The following LINGO2 variants were observed in gnomAD, a reference collection of about 807,000 sequenced individuals.
LINGO2 encodes leucine rich repeat and Ig domain containing 2.
A neutral mutation model predicts 30.6 loss-of-function variants in LINGO2; 14 were observed. The ratio of observed to expected loss-of-function variants is 0.46; its 90% CI spans 0.30 to 0.72. The LOEUF is 0.72. Among genes scored for constraint, LINGO2 ranks in the 30% least tolerant of loss-of-function variants. The pLI, the probability that LINGO2 is intolerant of heterozygous loss-of-function variation, is 0.07. For synonymous variants in LINGO2, 317 were observed against 288.5 expected (o/e 1.10, Z -1.00); for missense variants, 729 against 751.7 (o/e 0.97, Z 0.35).
chr9:28,300,991 C>T (rs910466011), intron 3 of LINGO2, among the ~76,000 whole-genome samples: 4 of 151,962 alleles, frequency 2.6e-5, no homozygotes, highest in Admixed American at 2.6e-4. Flanking sequence ...TATCATTAGG[C>T]AGTTTCCAAA....
At chr9:28,917,631 A>G in the LINGO2 span, among the ~76,000 whole-genome samples, 1 of 152,058 alleles carries the variant, frequency 6.6e-6, no homozygotes, top group African/African-American at 2.4e-5. Context: ...AAAGTCTCAT[A>G]AAAAGTCATG....
intron 4 of LINGO2, among the ~76,000 whole-genome samples, chr9:28,216,070 G>A (rs992195287): frequency 9.9e-5 from 15 of 151,990 alleles, no homozygotes; most frequent in East Asian, 7.7e-4. Context: ...AAGACTGGGA[G>A]AACTAAGCTG....
chr9:29,002,957 C>T, the LINGO2 span, among the ~76,000 whole-genome samples: 10 of 152,048 alleles, frequency 6.6e-5, no homozygotes, highest in African/African-American at 2.2e-4. Flanking sequence ...TGAGGTCATA[C>T]TGGAGTAGGG....
At chr9:28,703,737 C>T in the LINGO2 span, among the ~76,000 whole-genome samples, 1 of 151,768 alleles carries the variant, frequency 6.6e-6, no homozygotes, top group Non-Finnish European at 1.5e-5. Flanking sequence ...CTTTTTTTAA[C>T]TCTTTCAGTT....
chr9:28,475,370 A>G (rs1825688182), intron 2 of LINGO2, among the ~76,000 whole-genome samples: 1 of 152,170 alleles, frequency 6.6e-6, no homozygotes, highest in South Asian at 2.1e-4. Flanking sequence ...AGTGGATACA[A>G]TTGCACACAA....
the LINGO2 span, among the ~76,000 whole-genome samples, chr9:28,818,534 C>A: frequency 1.3e-5 from 2 of 151,980 alleles, no homozygotes; most frequent in South Asian, 4.2e-4. Context: ...TACAGATGCC[C>A]GCAACCACAT....
At chr9:28,269,400 A>T (rs941960440) in intron 4 of LINGO2, among the ~76,000 whole-genome samples, 4 of 152,110 alleles carry the variant, frequency 2.6e-5, no homozygotes, top group African/African-American at 9.7e-5. Flanking sequence ...AATTTCCTAT[A>T]GATTGAATAC....
chr9:28,816,344 A>G, the LINGO2 span, among the ~76,000 whole-genome samples: 1 of 152,348 alleles, frequency 6.6e-6, no homozygotes, highest in African/African-American at 2.4e-5. Flanking sequence ...AATCAGCGAG[A>G]AAAATGCTTG....
chr9:28,475,797 C>A, intron 2 of LINGO2, 143 bp downstream of exon 4: 1 of 152,416 alleles, frequency 6.6e-6, no homozygotes, highest in Non-Finnish European at 1.5e-5. Flanking sequence ...TACTACCTCC[C>A]TAAAGTCTTC....
chr9:28,693,399 C>G, the LINGO2 span, among the ~76,000 whole-genome samples: 3 of 152,112 alleles, frequency 2.0e-5, no homozygotes, highest in African/African-American at 7.2e-5. Flanking sequence ...TTGCACTGCT[C>G]TCATCCATCA....
chr9:29,153,187 T>C, the LINGO2 span, among the ~76,000 whole-genome samples: 9 of 152,166 alleles, frequency 5.9e-5, no homozygotes, highest in South Asian at 2.1e-4. Flanking sequence ...CACCACTGTA[T>C]ATTTTTCATT....
At chr9:28,678,479 T>C in the LINGO2 span, among the ~76,000 whole-genome samples, 4 of 152,164 alleles carry the variant, frequency 2.6e-5, no homozygotes, top group African/African-American at 9.6e-5. Context: ...TTTTTCATAA[T>C]AGAGTGGTTT....
intron 1 of LINGO2, among the ~76,000 whole-genome samples, chr9:28,579,859 T>C (rs1002258076): frequency 3.3e-5 from 5 of 152,086 alleles, no homozygotes; most frequent in Non-Finnish European, 7.4e-5. Flanking sequence ...AGAATCACCA[T>C]TCATACTCCT....
chr9:28,011,152 G>A (rs1178750486), intron 5 of LINGO2, among the ~76,000 whole-genome samples: 2 of 152,202 alleles, frequency 1.3e-5, no homozygotes, highest in East Asian at 3.9e-4. Context: ...AAGAGAATGA[G>A]AAAGTCAAAT....
chr9:28,407,373 G>C, intron 2 of LINGO2, among the ~76,000 whole-genome samples: 1 of 152,072 alleles, frequency 6.6e-6, no homozygotes. Flanking sequence ...GGGCTGAAAG[G>C]CTAGCCATAA....
At chr9:29,160,237 T>C in the LINGO2 span, among the ~76,000 whole-genome samples, 37,833 of 152,042 alleles carry the variant, frequency 0.25, 4,900 homozygotes, top group East Asian at 0.44. Flanking sequence ...TTGAGCACCA[T>C]TGACCGAAGT....
intron 1 of LINGO2, among the ~76,000 whole-genome samples, chr9:28,627,745 G>C (rs62547109): frequency 6.6e-6 from 1 of 151,620 alleles, no homozygotes; most frequent in Non-Finnish European, 1.5e-5. Flanking sequence ...TTTCAAAATT[G>C]TCTATAATGT....
At chr9:28,858,979 A>G in the LINGO2 span, among the ~76,000 whole-genome samples, 1 of 151,956 alleles carries the variant, frequency 6.6e-6, no homozygotes, top group African/African-American at 2.4e-5. Flanking sequence ...TCGTTATGTC[A>G]TAATATACAG....
chr9:28,028,429 G>T (rs1005558243), intron 4 of LINGO2, among the ~76,000 whole-genome samples: 1 of 152,102 alleles, frequency 6.6e-6, no homozygotes, highest in Admixed American at 6.6e-5. Flanking sequence ...AGTATAAAAG[G>T]TGGAAGTAGG....
Sources: gnomAD v4.1 joint callset for allele counts (sites outside exome capture counted in the v4.1 genomes callset) on GRCh38, gnomAD v4.1.1 for gene constraint, MANE v1.5 for transcripts, NCBI Gene and HGNC (gene_info 2026-07-23, HGNC 2026-07-21) for gene names.